The following TRIP11 variants were observed in gnomAD, a reference collection of about 807,000 sequenced individuals.
TRIP11 encodes the protein thyroid hormone receptor interactor 11.
A neutral mutation model predicts 223.1 loss-of-function variants in TRIP11; 148 were observed. That is an observed-to-expected ratio of 0.66 (90% CI 0.58 to 0.76). The LOEUF (loss-of-function observed/expected upper bound fraction) is 0.76. TRIP11 is among the 30% of genes least tolerant of loss of function. The pLI, the probability that TRIP11 is intolerant of heterozygous loss-of-function variation, is 0.00. For missense variants in TRIP11, 2,043 were observed against 2,222.0 expected (o/e 0.92, Z 1.62); for synonymous variants, 762 against 772.6 (o/e 0.99, Z 0.23).
chr14:92,029,044 G>A (rs908039659), intron 2 of TRIP11, among the ~76,000 whole-genome samples: 32 of 152,062 alleles, frequency 2.1e-4, no homozygotes, highest in African/African-American at 7.2e-4. Flanking sequence ...ATAGGGTACC[G>A]TGGATCTTTT....
intron 17 of TRIP11, 102 bp downstream of exon 17, chr14:91,976,006 T>C: frequency 8.7e-7 from 1 of 1,151,964 alleles, no homozygotes; most frequent in South Asian, 1.4e-5. Context: ...AAAAGGCTTT[T>C]GAAAAATTTA....
chr14:92,000,059 T>C lies in TRIP11; in HGVS notation c.4607A>G (p.Gln1536Arg), dbSNP rs973541502. The C allele has an allele frequency of 2.9e-5, 47 of 1,613,944 alleles. No homozygotes were observed. Among genetic ancestry groups the C allele is most frequent in the Non-Finnish European group, 3.9e-5 (46 of 1,179,978 alleles). The change falls in exon 12 of 21, where the codon CAG (glutamine) becomes CGG (arginine). Residue 1536 changes from glutamine (Q) to arginine (R), a missense_variant. Transcript: ENST00000267622. The stretch of plus-strand genomic sequence containing the variant: ...CTGTTGAAACACAACTGTCTTCTCC[T>C]GCATTGATTTAACTGCATTTAAAAG... ...NQLLNAVKSM[Q>R]EKTVVFQQER...
chr14:91,974,168 C>T (rs1317499467), intron 19 of TRIP11, among the ~76,000 whole-genome samples: 11 of 152,184 alleles, frequency 7.2e-5, no homozygotes, highest in Non-Finnish European at 1.5e-4. Flanking sequence ...CTTCCTCCTT[C>T]GAGAATCTAA....
chr14:91,969,285 C>T lies in TRIP11; in HGVS notation c.*388G>A, dbSNP rs1360828614. 2.4e-4 allele frequency: 73 copies of T among 302,118 alleles called. No homozygotes were observed. Among genetic ancestry groups the T allele is most frequent in the African/African-American group, 1.4e-3 (61 of 44,134 alleles). The allele number at this position is 302,118 out of a possible 1,614,324, so 18.7% of individuals were successfully genotyped here. On this transcript the variant is annotated 3_prime_UTR_variant, in exon 21 of 21. Transcript: ENST00000267622. ...CCACTACTAGTATTTTTTTATTCTT[C>T]GTTTAAAAAAAAAAAACACTCTCTT...
intron 4 of TRIP11, 57 bp downstream of exon 4, chr14:92,021,499 T>C (rs2057114268): frequency 4.4e-6 from 7 of 1,573,266 alleles, no homozygotes; most frequent in Non-Finnish European, 6.1e-6. Flanking sequence ...CAGTTTTTTA[T>C]ATTACACCAG....
intron 1 of TRIP11, among the ~76,000 whole-genome samples, chr14:92,036,885 C>T (rs2140153176): frequency 1.3e-5 from 2 of 152,234 alleles, no homozygotes; most frequent in South Asian, 4.1e-4. Context: ...CAGGCACATG[C>T]AGCCATGCCC....
chr14:92,031,552 G>C (rs2057265553), intron 2 of TRIP11, among the ~76,000 whole-genome samples: 1 of 151,936 alleles, frequency 6.6e-6, no homozygotes, highest in Non-Finnish European at 1.5e-5. Context: ...ATTCCAGCCT[G>C]GGCAAAAAAG....
rs1008261613 is a variant in TRIP11, at chr14:91,992,038, G to A, written c.5160+1771C>T. 2.5e-5 allele frequency among the ~76,000 whole-genome samples: 3 copies of A among 118,780 alleles called. No homozygotes were observed. The South Asian group carries it at 8.4e-4, about 33-fold the overall frequency. 77.9% of individuals were successfully genotyped at this position (118,780 alleles called of 152,430 possible). A position where few individuals can be genotyped will look rare whatever the true frequency, so the allele number is the denominator to read the frequency against. Reference sequence around the variant, plus strand: ...AAAGGTTGTAGTGAGCTGAGATCACGCCCTTGCACTCCAGCCTGAGCAAAG... The same window carrying A: ...AAAGGTTGTAGTGAGCTGAGATCACACCCTTGCACTCCAGCCTGAGCAAAG... On this transcript the variant is annotated intron_variant, in intron 15 of 20. Transcript: ENST00000267622.
chr14:92,006,769 A>T (rs1315247246), intron 10 of TRIP11, among the ~76,000 whole-genome samples: 2 of 152,066 alleles, frequency 1.3e-5, no homozygotes, highest in Non-Finnish European at 2.9e-5. Context: ...CCCAGGTTCA[A>T]GCAATTCTCC....
chr14:91,995,637 A>C, intron 13 of TRIP11, 122 bp from the exon 14 acceptor site: 1 of 987,416 alleles, frequency 1.0e-6, no homozygotes, highest in Non-Finnish European at 1.4e-6. Flanking sequence ...TTTTTTTGAG[A>C]CAGAGTCTCG....
At chr14:91,984,323 T>C (rs1201155755) in intron 16 of TRIP11, among the ~76,000 whole-genome samples, 2 of 150,712 alleles carry the variant, frequency 1.3e-5, no homozygotes, top group Admixed American at 6.6e-5. Context: ...TTTTCTTTTT[T>C]TTTTTTTTTT....
At chr14:92,026,565 C>A in intron 2 of TRIP11, 1 of 1,271,210 alleles carries the variant, frequency 7.9e-7, no homozygotes, top group Non-Finnish European at 1.1e-6. Flanking sequence ...CGTGCCCTAC[C>A]ATGTCAGACG....
intron 16 of TRIP11, among the ~76,000 whole-genome samples, chr14:91,981,012 A>ATATATATATTTTTTTTTTT (rs1301331303): frequency 2.0e-5 from 1 of 49,944 alleles, no homozygotes; most frequent in African/African-American, 6.7e-5. Flanking sequence ...ATATATATAT[A>ATATATATATTTTTTTTTTT]TTTTTTTTTT....
At chr14:91,975,333 T>C (rs372020512) in intron 17 of TRIP11, 47 bp from the exon 18 acceptor site, 74 of 1,270,586 alleles carry the variant, frequency 5.8e-5, no homozygotes, top group Admixed American at 1.3e-4. Flanking sequence ...CAACATTAAG[T>C]ACACTCAAAC....
At chr14:92,021,935 T>C in intron 3 of TRIP11, 104 bp from the exon 4 acceptor site, 2 of 1,284,148 alleles carry the variant, frequency 1.6e-6, no homozygotes, top group East Asian at 2.4e-5. Context: ...TTGTCTAAGA[T>C]TATCCAATGA....
chr14:92,032,547 A>C (rs906492100), intron 2 of TRIP11, among the ~76,000 whole-genome samples: 12 of 152,182 alleles, frequency 7.9e-5, no homozygotes, highest in Admixed American at 4.6e-4. Flanking sequence ...TCTTAATATT[A>C]TACTTAGCTG....
intron 2 of TRIP11, chr14:92,026,986 G>C: frequency 1.2e-6 from 1 of 837,410 alleles, no homozygotes; most frequent in Admixed American, 2.2e-5. Flanking sequence ...CCTTCAAGTA[G>C]AGAGGCCCGC....
At chr14:91,971,927 GAT>G (rs571609424) in intron 20 of TRIP11, among the ~76,000 whole-genome samples, 7 of 152,224 alleles carry the variant, frequency 4.6e-5, no homozygotes, top group African/African-American at 1.7e-4. Flanking sequence ...TCTGATGTGT[GAT>G]ATGAGTATAT....
chr14:91,970,792 T>A (rs2140078394), intron 20 of TRIP11, among the ~76,000 whole-genome samples: 1 of 152,344 alleles, frequency 6.6e-6, no homozygotes, highest in South Asian at 2.1e-4. Flanking sequence ...GTTATGTAAC[T>A]GATGAACTTC....
Sources: gnomAD v4.1 joint callset for allele counts (sites outside exome capture counted in the v4.1 genomes callset) on GRCh38, gnomAD v4.1.1 for gene constraint, MANE v1.5 for transcripts, NCBI Gene and HGNC (gene_info 2026-07-23, HGNC 2026-07-21) for gene names.